The following ZHX2 variants were observed in gnomAD, a reference collection of about 807,000 sequenced individuals.
The protein encoded by ZHX2 is zinc fingers and homeoboxes 2, also known as zinc fingers and homeoboxes protein 2.
ZHX2 carries 6 observed loss-of-function variants against 21.9 expected under a neutral mutation model. The ratio of observed to expected loss-of-function variants is 0.27; its 90% confidence interval spans 0.15 to 0.54. The LOEUF (loss-of-function observed/expected upper bound fraction) is 0.54. Among genes scored for constraint, ZHX2 ranks in the 20% least tolerant of loss-of-function variants. The pLI, the probability that ZHX2 is intolerant of heterozygous loss-of-function variation, is 0.95. For synonymous variants in ZHX2, 434 were observed against 437.1 expected, an observed-to-expected ratio of 0.99 and a Z score of 0.09; for missense variants, 908 against 1,090.7, an observed-to-expected ratio of 0.83 and a Z score of 2.36.
At chr8:122,886,503 A>T (rs758006326) in intron 2 of ZHX2, among the ~76,000 whole-genome samples, 14 of 152,202 alleles carry the variant, frequency 9.2e-5, no homozygotes, top group Non-Finnish European at 2.9e-5. Flanking sequence ...ATATTGGTTC[A>T]TCACTTGTAA....
chr8:122,927,796 T>C (rs1820894423), intron 2 of ZHX2, among the ~76,000 whole-genome samples: 1 of 152,094 alleles, frequency 6.6e-6, no homozygotes, highest in Non-Finnish European at 1.5e-5. Context: ...CAAGATGAGA[T>C]TTGGGTGGGG....
Position 122,818,758 on chromosome 8 carries a change from G to A in ZHX2, c.-283+36812G>A, listed in dbSNP as rs565931634. Among the ~76,000 whole-genome samples, 4 of 152,266 alleles carry A rather than the reference G, an allele frequency of 2.6e-5. No individual in the cohort carries two copies. The East Asian group carries it at 5.8e-4, about 22-fold the overall frequency. ...ACGTTTGCATGAAAACAGGATCTTC[G>A]TTGCTTAGGAATTGATCAACTCCTG... On this transcript the variant is annotated intron_variant, in intron 1 of 3. Coordinates refer to ENST00000314393, the MANE Select transcript of ZHX2 (RefSeq NM_014943.5).
chr8:122,910,970 T>A (rs554891251), intron 2 of ZHX2, among the ~76,000 whole-genome samples: 1 of 152,334 alleles, frequency 6.6e-6, no homozygotes, highest in South Asian at 2.1e-4. Flanking sequence ...CTGTATCGGC[T>A]ACATGTTCCT....
At chr8:122,798,781 G>C (rs941231643) in intron 1 of ZHX2, among the ~76,000 whole-genome samples, 1 of 150,638 alleles carries the variant, frequency 6.6e-6, no homozygotes, top group Non-Finnish European at 1.5e-5. Flanking sequence ...CCTGGGGACA[G>C]AGCGAGAGCG....
At position 122,966,343 on chromosome 8, in the gene ZHX2, C is replaced by G. The variant is rs76112042; in HGVS notation, c.*5-6899C>G. The stretch of plus-strand genomic sequence containing the variant: ...CCTTTTAGCATTTCTTGTAGCACTG[C>G]TTTGGTAGTGGTGAATTCTCTCAGT... On this transcript the variant is annotated intron_variant, in intron 3 of 3. Transcript: ENST00000314393. 5.4e-3 allele frequency among the ~76,000 whole-genome samples: 817 copies of G among 152,174 alleles called. 4 individuals carry two copies. The highest frequency in any genetic ancestry group is 0.018 in the African/African-American group (748 of 41,508).
In ZHX2 at chr8:122,953,105, A is replaced by G. The variant is rs770798644; in HGVS notation, c.1595A>G (p.Lys532Arg). 11 of 1,613,932 alleles carry G rather than the reference A, an allele frequency of 6.8e-6. No homozygotes were observed. The East Asian group carries it at 1.3e-4, about 20-fold the overall frequency. Residue 532 changes from lysine (K) to arginine (R), a missense_variant, in exon 3 of 4, where the codon AAG becomes AGG. By Grantham distance (26) the Lys-to-Arg change is conservative. Transcript: ENST00000314393. This position sits in a 1 kb window ranked among gnomAD's most constrained non-coding sequence, Gnocchi z 4.6. ...YHAYPDFAPQ[K>R]FKEKTQGQVK... ...GCGTACCCAGACTTTGCCCCCCAGA[A>G]GTTCAAAGAGAAAACACAGGGTCAG... is the stretch of plus-strand genomic sequence containing the variant.
chr8:122,934,378 C>T (rs575106778), intron 2 of ZHX2, among the ~76,000 whole-genome samples: 6 of 152,336 alleles, frequency 3.9e-5, no homozygotes, highest in Non-Finnish European at 8.8e-5. Context: ...CTCTGGAAGA[C>T]ACTTCACTCA....
chr8:122,892,002 A>C (rs1319959875), intron 2 of ZHX2, among the ~76,000 whole-genome samples: 1 of 152,196 alleles, frequency 6.6e-6, no homozygotes, highest in Non-Finnish European at 1.5e-5. Flanking sequence ...TGGTCTGTCC[A>C]ATGCTGACAG....
At chr8:122,812,658 CTA>C (rs1238550008) in intron 1 of ZHX2, among the ~76,000 whole-genome samples, 1 of 152,160 alleles carries the variant, frequency 6.6e-6, no homozygotes, top group African/African-American at 2.4e-5. Context: ...CCCAGATCTT[CTA>C]TGTTAACTAC....
intron 1 of ZHX2, among the ~76,000 whole-genome samples, chr8:122,803,437 T>G (rs1817757892): frequency 6.6e-6 from 1 of 152,070 alleles, no homozygotes. Context: ...CTGCCCCATC[T>G]CTAGACCAGG....
chr8:122,955,838 G>GTTTTTTTTTTTTTTTTTTT, intron 3 of ZHX2, among the ~76,000 whole-genome samples: 1 of 125,680 alleles, frequency 8.0e-6, no homozygotes, highest in East Asian at 2.5e-4. Flanking sequence ...ATGAGGGAGT[G>GTTTTTTTTTTTTTTTTTTT]ATTTTTTTTT....
At chr8:122,788,627 C>G (rs984693080) in intron 1 of ZHX2, among the ~76,000 whole-genome samples, 7 of 152,236 alleles carry the variant, frequency 4.6e-5, no homozygotes, top group Admixed American at 4.6e-4. Context: ...AGTACTTATT[C>G]AAGGTCACAG....
intron 2 of ZHX2, among the ~76,000 whole-genome samples, chr8:122,949,265 GTAA>G (rs1813050933): frequency 6.6e-6 from 1 of 152,084 alleles, no homozygotes; most frequent in Admixed American, 6.5e-5. Context: ...AGAGATTGCG[GTAA>G]GCCAAGACCG....
At chr8:122,820,077 A>AAAGTATCAT (rs1264826437) in intron 1 of ZHX2, among the ~76,000 whole-genome samples, 1 of 152,238 alleles carries the variant, frequency 6.6e-6, no homozygotes, top group East Asian at 1.9e-4. Flanking sequence ...CCACTTGGCA[A>AAAGTATCAT]AAAGAAGGGG....
rs916827052 is a variant in ZHX2 at position 122,878,474 on chromosome 8, A to G, written c.-220+14935A>G. Among the ~76,000 whole-genome samples, 5 of 152,106 alleles carry G rather than the reference A, an allele frequency of 3.3e-5. No individual in the cohort carries two copies. In the South Asian group the frequency reaches 1.0e-3, roughly 32 times the overall value. Reference sequence around the variant, plus strand: ...CTGATCTAAGATGACCTCTACTGGGATGACAGGGGTGAGTTGACAAAGCTT... The same window carrying G: ...CTGATCTAAGATGACCTCTACTGGGGTGACAGGGGTGAGTTGACAAAGCTT... On this transcript the variant is annotated intron_variant, in intron 2 of 3. Coordinates refer to ENST00000314393, the MANE Select transcript of ZHX2 (RefSeq NM_014943.5).
intron 2 of ZHX2, among the ~76,000 whole-genome samples, chr8:122,897,858 T>A (rs1297286157): frequency 6.6e-6 from 1 of 152,140 alleles, no homozygotes; most frequent in African/African-American, 2.4e-5. Context: ...TCAGGACAGC[T>A]TTGTTCTTCT....
intron 1 of ZHX2, among the ~76,000 whole-genome samples, chr8:122,846,103 T>C (rs923448242): frequency 1.3e-5 from 2 of 152,162 alleles, no homozygotes; most frequent in African/African-American, 4.8e-5. Flanking sequence ...GTAGAGCATC[T>C]AAAGACAGCC....
At chr8:122,795,582 C>T (rs1266066809) in intron 1 of ZHX2, among the ~76,000 whole-genome samples, 1 of 151,900 alleles carries the variant, frequency 6.6e-6, no homozygotes, top group Non-Finnish European at 1.5e-5. Context: ...AACTTGAGAT[C>T]AAATGCTATT....
intron 1 of ZHX2, among the ~76,000 whole-genome samples, chr8:122,785,674 T>C (rs1817379614): frequency 6.6e-6 from 1 of 152,180 alleles, no homozygotes; most frequent in Non-Finnish European, 1.5e-5. Flanking sequence ...GGGGTTCAAC[T>C]TGTAAGGCAG....
Sources: gnomAD v4.1 joint callset for allele counts (sites outside exome capture counted in the v4.1 genomes callset) on GRCh38, gnomAD v4.1.1 for gene constraint, Gnocchi (gnomAD v3.1) non-coding constraint, MANE v1.5 for transcripts, NCBI Gene and HGNC (gene_info 2026-07-23, HGNC 2026-07-21) for gene names.